Variants in LIMS1 observed in about 807,000 individuals in gnomAD.
The protein encoded by LIMS1 is LIM zinc finger domain containing 1.
Under a neutral mutation model 44.1 loss-of-function variants are expected in LIMS1, and 18 were observed. The observed-to-expected ratio is 0.41, with a 90% CI of 0.28 to 0.61. The LOEUF is 0.61. LIMS1 is among the 20% of genes least tolerant of loss of function. LIMS1 has a pLI of 0.32. For synonymous variants in LIMS1, 93 were observed against 149.1 expected, an observed-to-expected ratio of 0.62 and a Z score of 2.74; for missense variants, 201 against 422.0, an observed-to-expected ratio of 0.48 and a Z score of 4.59.
intron 1 of LIMS1, among the ~76,000 whole-genome samples, chr2:108,616,514 A>G (rs1350673709): frequency 6.6e-6 from 1 of 152,178 alleles, no homozygotes; most frequent in Non-Finnish European, 1.5e-5. Context: ...CTGGCCTCAC[A>G]TGAGCTTTAA....
rs142337584 is a variant in LIMS1, at chr2:108,622,405, A to G, written c.33-37200A>G. On this transcript the variant is annotated intron_variant, in intron 1 of 9. Transcript: ENST00000544547. ...CAAATTGACAAGCTTCAACTTCTCT[A>G]TTAAATTTGTATTTGTCACAGACAG... Among the ~76,000 whole-genome samples, 36 of 152,278 alleles carry G rather than the reference A, an allele frequency of 2.4e-4. No individual in the cohort carries two copies. In the East Asian group the frequency reaches 6.4e-3, roughly 27 times the overall value.
chr2:108,662,492 G>A, intron 2 of LIMS1: 2 of 1,353,650 alleles, frequency 1.5e-6, no homozygotes, highest in Non-Finnish European at 2.0e-6. Flanking sequence ...GCTATTCATG[G>A]GCTGTTGCCC....
chr2:108,592,029 A>T (rs1309327944), intron 1 of LIMS1, among the ~76,000 whole-genome samples: 1 of 152,092 alleles, frequency 6.6e-6, no homozygotes, highest in Non-Finnish European at 1.5e-5. Flanking sequence ...TCCTGACCTC[A>T]GGTGATCCAC....
At chr2:108,543,513 A>G (rs561575963) in intron 1 of LIMS1, among the ~76,000 whole-genome samples, 1 of 152,186 alleles carries the variant, frequency 6.6e-6, no homozygotes, top group Non-Finnish European at 1.5e-5. Flanking sequence ...AATTCTTAAC[A>G]GGACCCTTTT....
intron 1 of LIMS1, among the ~76,000 whole-genome samples, chr2:108,571,566 CA>C (rs1426451034): frequency 3.9e-5 from 6 of 152,048 alleles, no homozygotes; most frequent in African/African-American, 1.4e-4. Flanking sequence ...TAAGGTGGGA[CA>C]ATAAATAGCC....
chr2:108,681,724 C>T (rs1457866112), intron 9 of LIMS1: 1 of 322,630 alleles, frequency 3.1e-6, no homozygotes, highest in Non-Finnish European at 4.4e-6. Context: ...ATTTTGAGAC[C>T]AGCCTGGACT....
At chr2:108,667,181 C>T (rs1181272588) in intron 2 of LIMS1, among the ~76,000 whole-genome samples, 2 of 152,110 alleles carry the variant, frequency 1.3e-5, no homozygotes, top group Admixed American at 1.3e-4. Context: ...CAGGAGGCAC[C>T]TCATTAACAT....
intron 1 of LIMS1, among the ~76,000 whole-genome samples, chr2:108,650,365 G>T (rs926191804): frequency 5.3e-5 from 8 of 151,430 alleles, no homozygotes; most frequent in South Asian, 2.1e-4. Flanking sequence ...GTGACTGCAG[G>T]TAGTCTTTTT....
At chr2:108,545,938 C>A (rs1196343392) in intron 1 of LIMS1, among the ~76,000 whole-genome samples, 1 of 152,168 alleles carries the variant, frequency 6.6e-6, no homozygotes, top group Non-Finnish European at 1.5e-5. Context: ...GAAGACATTG[C>A]AGGTCCTAGC....
intron 1 of LIMS1, among the ~76,000 whole-genome samples, chr2:108,587,852 T>A (rs1686183708): frequency 6.6e-6 from 1 of 152,170 alleles, no homozygotes; most frequent in South Asian, 2.1e-4. Context: ...ACAGAAAGAA[T>A]AATTTCCGCT....
intron 1 of LIMS1, among the ~76,000 whole-genome samples, chr2:108,604,381 C>T (rs1221564711): frequency 2.0e-5 from 3 of 152,180 alleles, no homozygotes; most frequent in Non-Finnish European, 4.4e-5. Flanking sequence ...GTTGACTAGT[C>T]ACCACAAAGA....
At chr2:108,554,456 A>G (rs767811733) in intron 1 of LIMS1, among the ~76,000 whole-genome samples, 1 of 152,192 alleles carries the variant, frequency 6.6e-6, no homozygotes, top group Non-Finnish European at 1.5e-5. Flanking sequence ...GTCTCTGAAG[A>G]AGAGTATCTT....
chr2:108,551,392 ATATT>A (rs1161240128), intron 1 of LIMS1, among the ~76,000 whole-genome samples: 1 of 146,244 alleles, frequency 6.8e-6, no homozygotes, highest in African/African-American at 2.5e-5. Context: ...TGTATATTTT[ATATT>A]TATATATTTA....
chr2:108,607,357 A>G, intron 1 of LIMS1: 1 of 1,114,072 alleles, frequency 9.0e-7, no homozygotes, highest in Non-Finnish European at 1.3e-6. Flanking sequence ...TCACATAAAT[A>G]GTACATGTGT....
chr2:108,668,575 G>T (rs1047180097), intron 2 of LIMS1, among the ~76,000 whole-genome samples: 4 of 152,106 alleles, frequency 2.6e-5, no homozygotes, highest in African/African-American at 9.7e-5. Flanking sequence ...GTACTCCGCT[G>T]GGTATATGTA....
chr2:108,612,041 CACACACACACACATAT>C (rs1465428701), intron 1 of LIMS1, among the ~76,000 whole-genome samples: 1 of 120,834 alleles, frequency 8.3e-6, no homozygotes. Flanking sequence ...CACACACACA[CACACACACACACATAT>C]ATATATATAT....
At chr2:108,567,757 AGGC>A (rs989942428) in intron 1 of LIMS1, among the ~76,000 whole-genome samples, 13 of 152,256 alleles carry the variant, frequency 8.5e-5, no homozygotes, top group African/African-American at 3.1e-4. Context: ...TTTTTAGTAG[AGGC>A]GGGGTTTCTC....
At chr2:108,541,129 C>T (rs1684302913) in intron 1 of LIMS1, among the ~76,000 whole-genome samples, 1 of 152,210 alleles carries the variant, frequency 6.6e-6, no homozygotes, top group South Asian at 2.1e-4. Context: ...TTCCTAGCCA[C>T]ATGTGCTGGT....
chr2:108,641,503 T>G (rs1573527177), intron 1 of LIMS1, among the ~76,000 whole-genome samples: 1 of 152,220 alleles, frequency 6.6e-6, no homozygotes, highest in African/African-American at 2.4e-5. Flanking sequence ...GAATTTGTTT[T>G]GTTCATTTCA....
Sources: allele counts gnomAD v4.1 joint callset (sites outside exome capture counted in the v4.1 genomes callset), GRCh38; gene constraint gnomAD v4.1.1; transcripts MANE v1.5; gene names NCBI Gene and HGNC (gene_info 2026-07-23, HGNC 2026-07-21).